LRP1B: variants seen among roughly 807,000 people sequenced by gnomAD.
The protein encoded by LRP1B is low-density lipoprotein receptor-related protein 1B.
Under a neutral mutation model 556.6 loss-of-function variants are expected in LRP1B, and 217 were observed. The ratio of observed to expected loss-of-function variants is 0.39; its 90% CI spans 0.35 to 0.44. The LOEUF (loss-of-function observed/expected upper bound fraction) is 0.44. LRP1B is among the 20% of genes least tolerant of loss of function. The pLI, the probability that LRP1B is intolerant of heterozygous loss-of-function variation, is 1.00. For missense variants in LRP1B, 5,053 were observed against 5,620.8 expected, an observed-to-expected ratio of 0.90 and a Z score of 3.23; for synonymous variants, 2,047 against 1,865.8, an observed-to-expected ratio of 1.10 and a Z score of -2.50.
At chr2:141,877,879 T>G (rs750233049) in intron 1 of LRP1B, among the ~76,000 whole-genome samples, 113 of 151,974 alleles carry the variant, frequency 7.4e-4, no homozygotes, top group African/African-American at 2.6e-3. Context: ...CAGTTACCAC[T>G]AAAATAGATG....
chr2:141,953,967 T>A (rs1701180316), intron 1 of LRP1B, among the ~76,000 whole-genome samples: 1 of 152,076 alleles, frequency 6.6e-6, no homozygotes, highest in African/African-American at 2.4e-5. Context: ...TCAATTAAAA[T>A]TCCTATTACT....
At chr2:140,964,658 A>G in intron 18 of LRP1B, among the ~76,000 whole-genome samples, 1 of 151,146 alleles carries the variant, frequency 6.6e-6, no homozygotes, top group African/African-American at 2.4e-5. Context: ...ATGATTATTG[A>G]GTGAGGATTA....
chr2:141,445,486 G>A (rs1681154909), intron 3 of LRP1B, among the ~76,000 whole-genome samples: 1 of 152,026 alleles, frequency 6.6e-6, no homozygotes, highest in Non-Finnish European at 1.5e-5. Context: ...GTTTGCTCTT[G>A]CTTCTCTAGT....
intron 1 of LRP1B, among the ~76,000 whole-genome samples, chr2:141,821,668 G>A (rs1458553856): frequency 2.6e-5 from 4 of 152,008 alleles, no homozygotes; most frequent in Non-Finnish European, 1.5e-5. Flanking sequence ...ATATGATAAT[G>A]TCCTTCACCA....
chr2:140,556,251 G>A (rs1030202723), intron 43 of LRP1B, among the ~76,000 whole-genome samples: 1 of 151,934 alleles, frequency 6.6e-6, no homozygotes, highest in Non-Finnish European at 1.5e-5. Context: ...TGTGAAGTAG[G>A]TCATAGGACT....
rs1236041290 is a variant in LRP1B, at chr2:141,464,584, G to GTATATATATATATATATATATA, written c.343+15790_343+15811dup. Among the ~76,000 whole-genome samples the GTATATATATATATATATATATA allele has an allele frequency of 2.0e-3, 177 of 88,346 alleles. 1 individual carries two copies. The highest frequency in any genetic ancestry group is 5.7e-3 in the Middle Eastern group (1 of 174). The allele number at this position is 88,346 out of a possible 152,430, so 58.0% of individuals were successfully genotyped here. On this transcript the variant is annotated intron_variant, in intron 3 of 90. Transcript: ENST00000389484. ...CCCGCCACCACGCCTGGCTAATTTTGTATATATATATATATATATATATTT... is the reference window on the plus strand; with the variant it reads ...CCCGCCACCACGCCTGGCTAATTTTGTATATATATATATATATATATATATATATATATATATATATATATTT...
chr2:141,796,712 A>T (rs1898425), intron 2 of LRP1B, among the ~76,000 whole-genome samples: 86,017 of 151,462 alleles, frequency 0.57, 25,565 homozygotes, highest in African/African-American at 0.75. Flanking sequence ...TAGGTTCCTC[A>T]ACTTGCAAAC....
chr2:141,336,264 TA>T (rs1395246806), intron 3 of LRP1B, among the ~76,000 whole-genome samples: 1 of 152,164 alleles, frequency 6.6e-6, no homozygotes, highest in Non-Finnish European at 1.5e-5. Context: ...ATTATAAGTT[TA>T]CTGCACCTCC....
chr2:141,707,592 T>G (rs1356522648), intron 2 of LRP1B, among the ~76,000 whole-genome samples: 1 of 152,174 alleles, frequency 6.6e-6, no homozygotes, highest in Non-Finnish European at 1.5e-5. Flanking sequence ...ATGCTAGTTG[T>G]GTCTGCACCA....
At chr2:141,867,106 A>G (rs1698436626) in intron 1 of LRP1B, among the ~76,000 whole-genome samples, 1 of 152,212 alleles carries the variant, frequency 6.6e-6, no homozygotes, top group African/African-American at 2.4e-5. Flanking sequence ...AAAGATTCTT[A>G]AAGGAAATAA....
At position 141,798,392 on chromosome 2, in the gene LRP1B, T is replaced by G. The variant is rs116288748; in HGVS notation, c.205+11887A>C. Among the ~76,000 whole-genome samples the G allele has an allele frequency of 4.4e-3, 672 of 152,178 alleles. 1 individual carries two copies. Among genetic ancestry groups the G allele is most frequent in the Non-Finnish European group, 7.9e-3 (539 of 67,992 alleles). ...AACAAGTAATCTTTATGAGATAAGC[T>G]GGTGACTAAAGACGTCTTAGAATAT... On this transcript the variant is annotated intron_variant, in intron 2 of 90. Transcript: ENST00000389484.
intron 17 of LRP1B, among the ~76,000 whole-genome samples, chr2:140,987,680 T>C (rs1469516402): frequency 2.0e-5 from 3 of 152,108 alleles, no homozygotes; most frequent in African/African-American, 7.2e-5. Context: ...AATTGAATCT[T>C]AACCTCAAAA....
At chr2:142,046,879 G>A (rs531751671) in intron 1 of LRP1B, among the ~76,000 whole-genome samples, 1 of 152,034 alleles carries the variant, frequency 6.6e-6, no homozygotes, top group East Asian at 1.9e-4. Context: ...AATTATAAAT[G>A]TCCATTTATT....
intron 3 of LRP1B, among the ~76,000 whole-genome samples, chr2:141,450,091 G>T (rs944948306): frequency 1.3e-5 from 2 of 152,084 alleles, no homozygotes; most frequent in Admixed American, 6.5e-5. Context: ...AAAGGATAAA[G>T]GAAGAGAAGG....
intron 3 of LRP1B, among the ~76,000 whole-genome samples, chr2:141,307,162 G>A (rs932347059): frequency 6.6e-6 from 1 of 151,704 alleles, no homozygotes; most frequent in Non-Finnish European, 1.5e-5. Flanking sequence ...TTTTCTGTTG[G>A]TTAATTTTAA....
At chr2:140,370,227 A>G (rs1243071815) in intron 71 of LRP1B, among the ~76,000 whole-genome samples, 2 of 152,044 alleles carry the variant, frequency 1.3e-5, no homozygotes, top group African/African-American at 4.8e-5. Context: ...GTGATACGGC[A>G]ATAAGGAAAT....
intron 7 of LRP1B, among the ~76,000 whole-genome samples, chr2:141,094,965 G>C (rs1201184559): frequency 2.0e-5 from 3 of 152,176 alleles, no homozygotes; most frequent in African/African-American, 7.2e-5. Context: ...CAACAGTGTT[G>C]AGAGAGTGGG....
chr2:141,665,353 GA>G (rs1353647112), intron 2 of LRP1B, among the ~76,000 whole-genome samples: 20 of 152,150 alleles, frequency 1.3e-4, no homozygotes, highest in African/African-American at 4.8e-4. Flanking sequence ...GATAATTAGA[GA>G]AATGCAAATC....
chr2:140,303,559 C>G (rs1683933992), intron 83 of LRP1B, among the ~76,000 whole-genome samples: 1 of 151,986 alleles, frequency 6.6e-6, no homozygotes, highest in Non-Finnish European at 1.5e-5. Flanking sequence ...TAATAATAAA[C>G]TCTTACAATT....
Sources: gnomAD v4.1 joint callset for allele counts (sites outside exome capture counted in the v4.1 genomes callset) on GRCh38, gnomAD v4.1.1 for gene constraint, MANE v1.5 for transcripts, NCBI Gene and HGNC (gene_info 2026-07-23, HGNC 2026-07-21) for gene names.